Variants in PCDHGB2 observed in about 807,000 individuals in gnomAD.
PCDHGB2 encodes protocadherin gamma subfamily B, 2, also known as protocadherin gamma-B2.
In PCDHGB2, 55 loss-of-function variants were observed where a neutral mutation model predicts 59.3. That is an observed-to-expected ratio of 0.93 (90% confidence interval 0.75 to 1.16). The LOEUF is 1.16. PCDHGB2 is among the 50% of genes most tolerant of loss of function. PCDHGB2 has a pLI of 0.00. For missense variants in PCDHGB2, 1,228 were observed against 1,198.5 expected, an observed-to-expected ratio of 1.02 and a Z score of -0.36; for synonymous variants, 516 against 512.0, an observed-to-expected ratio of 1.01 and a Z score of -0.11.
At chr5:141,366,386 G>A (rs1368197545) in intron 1 of PCDHGB2, 4 of 1,614,164 alleles carry the variant, frequency 2.5e-6, no homozygotes, top group Non-Finnish European at 3.4e-6. Context: ...TGACCCTGAG[G>A]ATCTGGACCT....
chr5:141,409,629 C>T (rs1379627250), intron 1 of PCDHGB2: 3 of 1,613,860 alleles, frequency 1.9e-6, no homozygotes, highest in East Asian at 4.5e-5. Flanking sequence ...CAAGTGAGCG[C>T]CTCTGACCCG....
At chr5:141,429,848 C>T (rs567448097) in intron 1 of PCDHGB2, among the ~76,000 whole-genome samples, 25 of 152,228 alleles carry the variant, frequency 1.6e-4, no homozygotes, top group African/African-American at 5.8e-4. Context: ...AAGTCTGTAA[C>T]ATTCTTTGGA....
intron 1 of PCDHGB2, chr5:141,418,103 G>A: frequency 1.2e-6 from 2 of 1,614,076 alleles, no homozygotes; most frequent in African/African-American, 1.3e-5. Flanking sequence ...CGCGCAGAGC[G>A]GGGACTTACT....
chr5:141,504,228 C>T lies in PCDHGB2; in HGVS notation c.2481-1165C>T, dbSNP rs114896014. Among the ~76,000 whole-genome samples, 193 of 152,312 alleles carry T rather than the reference C, an allele frequency of 1.3e-3. 1 individual carries two copies. The highest frequency in any genetic ancestry group is 2.1e-3 in the Admixed American group (32 of 15,304). ...AAAATTCCAAGTAGAGCTGAACCTT[C>T]TAAGAAGCAGAGAGTTCTTCTTATG... On this transcript the variant is annotated intron_variant, in intron 2 of 3. Coordinates refer to ENST00000522605, the MANE Select transcript of PCDHGB2 (RefSeq NM_018923.3).
At chr5:141,423,501 C>T (rs2096747990) in intron 1 of PCDHGB2, 1 of 1,613,990 alleles carries the variant, frequency 6.2e-7, no homozygotes, top group Non-Finnish European at 8.5e-7. Context: ...CCCACGAGGT[C>T]TCTCTCATTG....
chr5:141,423,782 C>T (rs1458189260), intron 1 of PCDHGB2: 9 of 1,243,226 alleles, frequency 7.2e-6, no homozygotes, highest in Non-Finnish European at 9.3e-6. Flanking sequence ...ATATTTAGTT[C>T]ATATATATTT....
intron 1 of PCDHGB2, chr5:141,365,030 G>T: frequency 1.2e-6 from 2 of 1,613,856 alleles, no homozygotes; most frequent in Non-Finnish European, 1.7e-6. Context: ...TACGGTCCTC[G>T]ACGCAAACGA....
chr5:141,497,218 GA>G (rs1172998466), intron 2 of PCDHGB2, among the ~76,000 whole-genome samples: 1 of 149,792 alleles, frequency 6.7e-6, no homozygotes, highest in Non-Finnish European at 1.5e-5. Flanking sequence ...ATGGGGGGGG[GA>G]AGATCAGAGA....
chr5:141,491,131 G>A lies in PCDHGB2; in HGVS notation c.2422-3676G>A. 1 of 1,614,182 alleles carries A rather than the reference G, an allele frequency of 6.2e-7. No individual in the cohort carries two copies. Among genetic ancestry groups the A allele is most frequent in the Non-Finnish European group, 8.5e-7 (1 of 1,180,008 alleles). ...TACACACACTGGTGAGGTGCGCACA[G>A]CCCGGGCCTTACTGGAGGATGACTC... On this transcript the variant is annotated intron_variant, in intron 1 of 3. Coordinates refer to ENST00000522605, the MANE Select transcript of PCDHGB2 (RefSeq NM_018923.3). This position sits in a 1 kb window ranked among gnomAD's most constrained non-coding sequence, Gnocchi z 6.9.
At position 141,418,475 on chromosome 5, in the gene PCDHGB2, A is replaced by G; in HGVS notation, c.2421+55919A>G. On this transcript the variant is annotated intron_variant, in intron 1 of 3. Transcript: ENST00000522605. The stretch of plus-strand genomic sequence containing the variant: ...GAAGACTCTGGACCGAGAAACGCAG[A>G]GCGCTCACCACTTGGTACTGACCGC... 3 of 1,614,000 alleles carry G rather than the reference A, an allele frequency of 1.9e-6. No individual in the cohort carries two copies. Among genetic ancestry groups the G allele is most frequent in the Non-Finnish European group, 2.5e-6 (3 of 1,179,892 alleles).
At chr5:141,470,202 A>G (rs928782890) in intron 1 of PCDHGB2, among the ~76,000 whole-genome samples, 9 of 152,216 alleles carry the variant, frequency 5.9e-5, no homozygotes, top group Non-Finnish European at 1.2e-4. Flanking sequence ...GATAAATATG[A>G]AGGCTAAACC....
intron 1 of PCDHGB2, among the ~76,000 whole-genome samples, chr5:141,457,665 G>A (rs2098927092): frequency 6.6e-6 from 1 of 152,330 alleles, no homozygotes; most frequent in Non-Finnish European, 1.5e-5. Flanking sequence ...AGCAAGAATG[G>A]TTATTTCTAC....
intron 1 of PCDHGB2, chr5:141,423,659 A>C (rs369390148): frequency 6.4e-7 from 1 of 1,551,038 alleles, no homozygotes; most frequent in African/African-American, 1.4e-5. Flanking sequence ...ACAAGTAATC[A>C]GGTGAGATTT....
At chr5:141,383,985 T>C (rs924124642) in intron 1 of PCDHGB2, 1 of 1,613,822 alleles carries the variant, frequency 6.2e-7, no homozygotes, top group African/African-American at 1.3e-5. Flanking sequence ...ACACACCTCT[T>C]GGGACAGTCA....
intron 1 of PCDHGB2, among the ~76,000 whole-genome samples, chr5:141,444,473 G>A (rs943971075): frequency 2.6e-5 from 4 of 151,972 alleles, no homozygotes; most frequent in Admixed American, 6.6e-5. Flanking sequence ...GCCCGGTCGC[G>A]TACTGGATTT....
rs61612330 is a variant in PCDHGB2, at chr5:141,454,796, A to ATTTTTTT, written c.2422-39988_2422-39982dup. On this transcript the variant is annotated intron_variant, in intron 1 of 3. Transcript: ENST00000522605. Reference sequence around the variant, plus strand: ...AAGGAAATAATCCTCCATGGTTCTAATTTTTTTTTTTTTTTTTTTTTTTTT... The same window carrying ATTTTTTT: ...AAGGAAATAATCCTCCATGGTTCTAATTTTTTTTTTTTTTTTTTTTTTTTTTTTTTTT... Among the ~76,000 whole-genome samples the ATTTTTTT allele has an allele frequency of 2.6e-3, 198 of 77,448 alleles. 27 individuals are homozygous for ATTTTTTT. The highest frequency in any genetic ancestry group is 8.4e-3 in the African/African-American group (141 of 16,874). The allele number at this position is 77,448 out of a possible 152,430, so 50.8% of individuals were successfully genotyped here. A position where few individuals can be genotyped will look rare whatever the true frequency, so the allele number is the denominator to read the frequency against.
chr5:141,409,809 A>T (rs754765049), intron 1 of PCDHGB2: 62 of 1,611,424 alleles, frequency 3.8e-5, no homozygotes, highest in Non-Finnish European at 7.6e-6. Context: ...CAGGCCCGCG[A>T]CCACGGCTCG....
chr5:141,362,661 A>G (rs533318965), intron 1 of PCDHGB2, 105 bp downstream of exon 1: 682 of 1,346,776 alleles, frequency 5.1e-4, no homozygotes, highest in Non-Finnish European at 6.6e-4. Flanking sequence ...GATTTGGCCA[A>G]TGTTGTGCCT....
chr5:141,441,835 G>A (rs1423189098), intron 1 of PCDHGB2: 9 of 353,636 alleles, frequency 2.5e-5, no homozygotes, highest in Admixed American at 2.1e-4. Flanking sequence ...CAATGGCTTC[G>A]CGCTCTTGGA....
Sources: gnomAD v4.1 joint callset for allele counts (sites outside exome capture counted in the v4.1 genomes callset) on GRCh38, gnomAD v4.1.1 for gene constraint, Gnocchi (gnomAD v3.1) non-coding constraint, MANE v1.5 for transcripts, NCBI Gene and HGNC (gene_info 2026-07-23, HGNC 2026-07-21) for gene names.